SPMAP2: variants seen among roughly 807,000 people sequenced by gnomAD.
The protein encoded by SPMAP2 is sperm microtubule associated protein 2.
chr19:374,294 C>G, the SPMAP2 span: 1 of 1,614,000 alleles, frequency 6.2e-7, no homozygotes, highest in Non-Finnish European at 8.5e-7. Context: ...CTGGCGTGTC[C>G]TCACCTGTCT....
chr19:362,454 ACTGAAG>A, the SPMAP2 span: 220 of 1,542,444 alleles, frequency 1.4e-4, no homozygotes, highest in Non-Finnish European at 1.9e-4. Context: ...GAAGGACAGC[ACTGAAG>A]CTCAAACCTC....
At chr19:362,514 T>G in the SPMAP2 span, 1 of 1,100,208 alleles carries the variant, frequency 9.1e-7, no homozygotes, top group African/African-American at 1.6e-5. Context: ...ACACCTGGAA[T>G]CCCAGCACTG....
At chr19:371,367 GGGGTGTGTGTGTGTGT>G in the SPMAP2 span, 6 of 718,856 alleles carry the variant, frequency 8.3e-6, no homozygotes, top group Non-Finnish European at 1.0e-5. Context: ...GCCGGGGGTG[GGGGTGTGTGTGTGTGT>G]GTGTGTGTGT....
the SPMAP2 span, among the ~76,000 whole-genome samples, chr19:369,492 G>T: frequency 6.6e-6 from 1 of 151,712 alleles, no homozygotes; most frequent in African/African-American, 2.4e-5. Context: ...GAAGGGGATC[G>T]CCTCAGTTCA....
At chr19:370,641 C>T in the SPMAP2 span, among the ~76,000 whole-genome samples, 60 of 152,266 alleles carry the variant, frequency 3.9e-4, no homozygotes, top group African/African-American at 1.4e-3. Context: ...TGAGCCACCG[C>T]GCCCGGCGTA....
the SPMAP2 span, chr19:362,497 G>A: frequency 1.5e-6 from 2 of 1,302,814 alleles, no homozygotes; most frequent in African/African-American, 3.0e-5. Flanking sequence ...GCTGGGCATG[G>A]GAGCTCACAC....
chr19:375,599 C>G, the SPMAP2 span: 1 of 1,446,530 alleles, frequency 6.9e-7, no homozygotes, highest in Admixed American at 2.5e-5. Context: ...GCTGCCCTCC[C>G]CCCACTGCCA....
chr19:372,532 G>T, the SPMAP2 span: 1 of 1,254,980 alleles, frequency 8.0e-7, no homozygotes. Context: ...CTAGGGCTAG[G>T]ACCTGGACCC....
At chr19:375,601 C>T in the SPMAP2 span, 2 of 1,450,382 alleles carry the variant, frequency 1.4e-6, no homozygotes, top group Non-Finnish European at 1.8e-6. Flanking sequence ...TGCCCTCCCC[C>T]CACTGCCAGG....
At chr19:371,220 G>A in the SPMAP2 span, 1 of 1,463,768 alleles carries the variant, frequency 6.8e-7, no homozygotes, top group South Asian at 1.5e-5. Context: ...ACATGGGCAT[G>A]CTCCAGAAGT....
chr19:366,034 G>A, the SPMAP2 span, among the ~76,000 whole-genome samples: 3 of 151,974 alleles, frequency 2.0e-5, no homozygotes, highest in Non-Finnish European at 2.9e-5. Context: ...CCAGCTACTC[G>A]GGAAGCCGAG....
the SPMAP2 span, among the ~76,000 whole-genome samples, chr19:366,896 A>G: frequency 6.6e-6 from 1 of 152,164 alleles, no homozygotes; most frequent in Non-Finnish European, 1.5e-5. Context: ...TTCCTGCTAG[A>G]AAACCCTCTC....
the SPMAP2 span, chr19:371,394 G>C: frequency 1.4e-4 from 89 of 616,166 alleles, no homozygotes; most frequent in South Asian, 2.4e-4. Flanking sequence ...GTGTGTGTGT[G>C]TGTGTGTGTG....
chr19:374,280 T>C, the SPMAP2 span: 1 of 1,612,546 alleles, frequency 6.2e-7, no homozygotes, highest in Non-Finnish European at 8.5e-7. Flanking sequence ...TACGAGGCCG[T>C]GGTCTGGCGT....
the SPMAP2 span, chr19:373,495 G>A: frequency 3.1e-5 from 50 of 1,613,350 alleles, no homozygotes; most frequent in Non-Finnish European, 4.1e-5. Flanking sequence ...TGAGGGTGGT[G>A]TCCTCAAGGA....
the SPMAP2 span, among the ~76,000 whole-genome samples, chr19:368,847 T>C: frequency 6.6e-6 from 1 of 152,328 alleles, no homozygotes; most frequent in South Asian, 2.1e-4. The surrounding 1 kb of genome is among the most constrained non-coding windows in gnomAD (Gnocchi z 4.1). Flanking sequence ...GCGGCTTCCA[T>C]GCACACAGCT....
the SPMAP2 span, chr19:362,107 C>G: frequency 1.1e-5 from 11 of 963,874 alleles, no homozygotes; most frequent in South Asian, 3.0e-5. Flanking sequence ...TTTTGGCCTT[C>G]TAGCCCGCCC....
the SPMAP2 span, chr19:376,014 C>T: frequency 2.9e-6 from 4 of 1,379,996 alleles, no homozygotes; most frequent in Non-Finnish European, 3.7e-6. Flanking sequence ...TCTCCCGGCA[C>T]CCAAATGTGT....
At chr19:373,850 G>A in the SPMAP2 span, 1 of 1,227,718 alleles carries the variant, frequency 8.1e-7, no homozygotes, top group Non-Finnish European at 1.2e-6. Context: ...CCTCCCTGGA[G>A]AGAGGAGGGT....
Sources: gnomAD v4.1 joint callset for allele counts (sites outside exome capture counted in the v4.1 genomes callset) on GRCh38, gnomAD v4.1.1 for gene constraint, Gnocchi (gnomAD v3.1) non-coding constraint, MANE v1.5 for transcripts, NCBI Gene and HGNC (gene_info 2026-07-23, HGNC 2026-07-21) for gene names.